Variants in RUNX2 observed in about 807,000 individuals in gnomAD.
RUNX2 encodes runt-related transcription factor 2.
RUNX2 carries 10 observed loss-of-function variants against 51.7 expected under a neutral mutation model. The observed-to-expected ratio is 0.19, with a 90% CI of 0.12 to 0.33. The LOEUF (loss-of-function observed/expected upper bound fraction) is 0.33. Ranked by LOEUF, RUNX2 falls within the 10% of genes least tolerant of loss-of-function variation. The pLI, the probability that RUNX2 is intolerant of heterozygous loss-of-function variation, is 1.00. For missense variants in RUNX2, 562 were observed against 691.3 expected, an observed-to-expected ratio of 0.81 and a Z score of 2.10; for synonymous variants, 276 against 273.6, an observed-to-expected ratio of 1.01 and a Z score of -0.09.
intron 2 of RUNX2, among the ~76,000 whole-genome samples, chr6:45,404,940 T>C (rs1463289422): frequency 2.0e-5 from 3 of 152,264 alleles, no homozygotes; most frequent in Non-Finnish European, 4.4e-5. Context: ...TGGCAGATCA[T>C]TGTTGAAACT....
chr6:45,547,236 C>T lies in RUNX2; in HGVS notation c.1497C>T (p.Ser499=), dbSNP rs1320487393. Residue 499 remains serine (S), a synonymous_variant, in exon 9 of 9, where the codon AGC becomes AGT. Transcript: ENST00000647337. ...NQNDGVDADG[S]HSSSPTVLNS... ...ATGATGGTGTTGACGCTGATGGAAG[C>T]CACAGCAGTTCCCCAACTGTTTTGA... is the stretch of plus-strand genomic sequence containing the variant. The T allele has an allele frequency of 3.7e-6, 6 of 1,614,056 alleles. No homozygotes were observed. Among genetic ancestry groups the T allele is most frequent in the Admixed American group, 1.7e-5 (1 of 60,004 alleles).
intron 2 of RUNX2, among the ~76,000 whole-genome samples, chr6:45,381,971 G>T (rs989863428): frequency 2.9e-4 from 44 of 152,298 alleles, no homozygotes; most frequent in African/African-American, 9.9e-4. Flanking sequence ...ACCTATCATT[G>T]TAGATTTCAC....
Position 45,399,349 on chromosome 6 carries a change from C to CTTTTTTTTTTTTTTTTTTTTTTTT in RUNX2, c.59-23239_59-23216dup, listed in dbSNP as rs398048486. On this transcript the variant is annotated intron_variant, in intron 2 of 8. Coordinates refer to ENST00000647337, the MANE Select transcript of RUNX2 (RefSeq NM_001024630.4). ...CTTTCTCATTTCTTTCTTTTCTTTC[C>CTTTTTTTTTTTTTTTTTTTTTTTT]TTTTTTTTTTTTTTTTTTTTTTTTT... Among the ~76,000 whole-genome samples the CTTTTTTTTTTTTTTTTTTTTTTTT allele has an allele frequency of 7.0e-5, 4 of 57,346 alleles. 1 individual carries two copies. Among genetic ancestry groups the CTTTTTTTTTTTTTTTTTTTTTTTT allele is most frequent in the Non-Finnish European group, 1.4e-4 (4 of 29,036 alleles). The allele number at this position is 57,346 out of a possible 152,430, so 37.6% of individuals were successfully genotyped here.
chr6:45,416,042 G>T (rs916682734), intron 2 of RUNX2, among the ~76,000 whole-genome samples: 1 of 152,188 alleles, frequency 6.6e-6, no homozygotes, highest in Non-Finnish European at 1.5e-5. Context: ...AGAAGAAATT[G>T]TTTTCTCTGA....
chr6:45,504,373 C>G (rs548469279), intron 6 of RUNX2, among the ~76,000 whole-genome samples: 23 of 152,312 alleles, frequency 1.5e-4, no homozygotes, highest in African/African-American at 5.5e-4. Context: ...AGATAACCCA[C>G]CCATTCCCAT....
chr6:45,504,179 AG>A (rs1205707630), intron 6 of RUNX2, among the ~76,000 whole-genome samples: 5 of 152,286 alleles, frequency 3.3e-5, no homozygotes, highest in Middle Eastern at 3.4e-3. Context: ...AGCAGACATG[AG>A]CCAGATGCTC....
intron 5 of RUNX2, among the ~76,000 whole-genome samples, chr6:45,453,354 C>T (rs1032462275): frequency 1.3e-5 from 2 of 152,160 alleles, no homozygotes; most frequent in Non-Finnish European, 2.9e-5. Flanking sequence ...TCTTCATTAC[C>T]TATGTGGGGA....
intron 2 of RUNX2, among the ~76,000 whole-genome samples, chr6:45,353,194 C>T (rs1043169190): frequency 2.0e-5 from 3 of 151,894 alleles, no homozygotes; most frequent in Admixed American, 6.6e-5. Context: ...AGACCAATGT[C>T]TGAAATCTGA....
Position 45,388,828 on chromosome 6 carries a change from T to TAA in RUNX2, c.59-33758_59-33757dup, listed in dbSNP as rs76050609. 3.3e-5 allele frequency among the ~76,000 whole-genome samples: 5 copies of TAA among 152,144 alleles called. No homozygotes were observed. The East Asian group carries it at 7.7e-4, about 24-fold the overall frequency. On this transcript the variant is annotated intron_variant, in intron 2 of 8. Coordinates refer to ENST00000647337, the MANE Select transcript of RUNX2 (RefSeq NM_001024630.4). ...TCCAAGTTTTACAAAGCAAATACTA[T>TAA]AAAAAAAATCTTGCTTCTCTACTCT... is the stretch of plus-strand genomic sequence containing the variant.
chr6:45,531,303 G>A (rs1237177033), intron 7 of RUNX2, among the ~76,000 whole-genome samples: 1 of 152,096 alleles, frequency 6.6e-6, no homozygotes, highest in Non-Finnish European at 1.5e-5. Context: ...TTACTAAGTA[G>A]CCAAAATTCA....
intron 2 of RUNX2, among the ~76,000 whole-genome samples, chr6:45,391,675 G>A (rs1435313009): frequency 6.6e-6 from 1 of 152,190 alleles, no homozygotes; most frequent in Non-Finnish European, 1.5e-5. Flanking sequence ...GAAAGCGAAG[G>A]TGAAGCAAGG....
chr6:45,458,546 C>T (rs1447964253), intron 5 of RUNX2, among the ~76,000 whole-genome samples: 1 of 152,132 alleles, frequency 6.6e-6, no homozygotes, highest in African/African-American at 2.4e-5. Context: ...CTGGCAAATA[C>T]ATTATGATCT....
chr6:45,332,659 T>C (rs16873345), intron 2 of RUNX2, among the ~76,000 whole-genome samples: 22,769 of 151,762 alleles, frequency 0.15, 1,946 homozygotes, highest in East Asian at 0.26. Flanking sequence ...AGACATTTTA[T>C]ATGAAGGATT....
At chr6:45,395,268 G>T (rs1220422124) in intron 2 of RUNX2, among the ~76,000 whole-genome samples, 1 of 152,108 alleles carries the variant, frequency 6.6e-6, no homozygotes, top group African/African-American at 2.4e-5. Context: ...CTCTTTACAT[G>T]TCACATTGGA....
chr6:45,379,901 A>G (rs1797198745), intron 2 of RUNX2, among the ~76,000 whole-genome samples: 1 of 152,052 alleles, frequency 6.6e-6, no homozygotes, highest in African/African-American at 2.4e-5. Flanking sequence ...ACAAAAGTTA[A>G]TGAGAGTGAC....
In RUNX2 at chr6:45,547,100, A is replaced by T. The variant is rs1216479084; in HGVS notation, c.1361A>T (p.Tyr454Phe). The T allele has an allele frequency of 4.3e-6, 7 of 1,613,864 alleles. No individual in the cohort carries two copies. The highest frequency in any genetic ancestry group is 2.7e-5 in the African/African-American group (2 of 74,842). ...YLYYGTSSGSYQFPMVPGGDR... is the reference protein window; with the variant it reads ...YLYYGTSSGSFQFPMVPGGDR... The stretch of plus-strand genomic sequence containing the variant: ...TACTATGGCACTTCGTCAGGATCCT[A>T]TCAGTTTCCCATGGTGCCGGGGGGA... The change falls in exon 9 of 9, where the codon TAT (tyrosine) becomes TTT (phenylalanine). Residue 454 changes from tyrosine (Y) to phenylalanine (F), a missense_variant. Tyr to Phe is a conservative substitution (Grantham distance 22). Coordinates refer to ENST00000647337, the MANE Select transcript of RUNX2 (RefSeq NM_001024630.4).
At chr6:45,376,432 T>C (rs1402411241) in intron 2 of RUNX2, among the ~76,000 whole-genome samples, 1 of 151,456 alleles carries the variant, frequency 6.6e-6, no homozygotes, top group Non-Finnish European at 1.5e-5. Flanking sequence ...TAAATCAATT[T>C]ATTAATTTAT....
chr6:45,335,990 T>C (rs528698054), intron 2 of RUNX2, among the ~76,000 whole-genome samples: 1 of 151,320 alleles, frequency 6.6e-6, no homozygotes, highest in Non-Finnish European at 1.5e-5. Context: ...TGCTACAGTG[T>C]ATTTCTAAAG....
At chr6:45,335,628 C>A (rs1202783282) in intron 2 of RUNX2, among the ~76,000 whole-genome samples, 3 of 151,192 alleles carry the variant, frequency 2.0e-5, no homozygotes, top group Non-Finnish European at 4.5e-5. Flanking sequence ...TGCTAACAAT[C>A]CACATTATAT....
Sources: allele counts gnomAD v4.1 joint callset (sites outside exome capture counted in the v4.1 genomes callset), GRCh38; gene constraint gnomAD v4.1.1; transcripts MANE v1.5; gene names NCBI Gene and HGNC (gene_info 2026-07-23, HGNC 2026-07-21).